The following CDK15 variants were observed in gnomAD, a reference collection of about 807,000 sequenced individuals.
CDK15 encodes cyclin dependent kinase 15.
CDK15 carries 62 observed loss-of-function variants against 60.3 expected under a neutral mutation model. The observed-to-expected ratio is 1.03, with a 90% confidence interval of 0.84 to 1.27. The LOEUF (loss-of-function observed/expected upper bound fraction) is 1.27, where lower values mean the gene tolerates loss of function less well. Ranked by LOEUF, CDK15 falls within the 50% of genes most tolerant of loss-of-function variation. CDK15 has a pLI of 0.00. For missense variants in CDK15, 541 were observed against 527.8 expected (o/e 1.03, Z -0.25); for synonymous variants, 194 against 195.7 (o/e 0.99, Z 0.07).
chr2:201,821,155 C>T (rs948372441), intron 4 of CDK15, among the ~76,000 whole-genome samples: 1 of 152,136 alleles, frequency 6.6e-6, no homozygotes, highest in African/African-American at 2.4e-5. Context: ...ACAGGTTTAG[C>T]TCTCACAATA....
intron 11 of CDK15, among the ~76,000 whole-genome samples, chr2:201,877,725 C>T (rs1440259508): frequency 6.6e-6 from 1 of 152,146 alleles, no homozygotes; most frequent in African/African-American, 2.4e-5. Context: ...AATGAGTAGA[C>T]TTCTACACAA....
Position 201,888,561 on chromosome 2 carries a change from C to T in CDK15, c.1199-2224C>T, listed in dbSNP as rs567471766. 9.5e-6 allele frequency: 14 copies of T among 1,468,904 alleles called. No individual in the cohort carries two copies. The Middle Eastern group carries it at 5.3e-4, about 56-fold the overall frequency. The allele number at this position is 1,468,904 out of a possible 1,614,324, so 91.0% of individuals were successfully genotyped here. ...TTGTGAGATTGCTGAAGGAGAGCCGCGCTGCAGCTTTTTTCGTTTTTTATT... is the reference window on the plus strand; with the variant it reads ...TTGTGAGATTGCTGAAGGAGAGCCGTGCTGCAGCTTTTTTCGTTTTTTATT... On this transcript the variant is annotated intron_variant, in intron 12 of 13. Coordinates refer to ENST00000652192, the MANE Select transcript of CDK15 (RefSeq NM_001366386.2).
intron 6 of CDK15, among the ~76,000 whole-genome samples, chr2:201,828,279 G>C (rs1033299166): frequency 2.0e-5 from 3 of 151,882 alleles, no homozygotes; most frequent in African/African-American, 7.3e-5. Flanking sequence ...AGATCTGAGG[G>C]TCATCAGCAC....
chr2:201,806,882 A>G, intron 1 of CDK15, 95 bp downstream of exon 1: 1 of 1,434,894 alleles, frequency 7.0e-7, no homozygotes, highest in South Asian at 1.3e-5. Flanking sequence ...CTTCTGCGGT[A>G]GGTCTAAACC....
intron 3 of CDK15, among the ~76,000 whole-genome samples, chr2:201,808,963 C>T (rs917415723): frequency 2.0e-5 from 3 of 151,774 alleles, no homozygotes; most frequent in Admixed American, 1.3e-4. Flanking sequence ...GAATCTCTGT[C>T]ACCCACGCTG....
intron 12 of CDK15, chr2:201,888,566 C>T: frequency 6.8e-7 from 1 of 1,466,764 alleles, no homozygotes; most frequent in Non-Finnish European, 8.9e-7. Flanking sequence ...AGCCGCGCTG[C>T]AGCTTTTTTC....
intron 8 of CDK15, among the ~76,000 whole-genome samples, chr2:201,844,848 T>A (rs1270124480): frequency 2.0e-5 from 3 of 151,752 alleles, no homozygotes; most frequent in Non-Finnish European, 4.4e-5. Flanking sequence ...CAAATTGGCT[T>A]TTTAAAAATC....
intron 11 of CDK15, among the ~76,000 whole-genome samples, chr2:201,879,382 TTTTG>T (rs1469289661): frequency 6.6e-6 from 1 of 152,144 alleles, no homozygotes; most frequent in Non-Finnish European, 1.5e-5. Context: ...TGAACATGTT[TTTTG>T]TTTGTTTGTT....
intron 10 of CDK15, among the ~76,000 whole-genome samples, chr2:201,856,818 C>T (rs1267505473): frequency 6.6e-6 from 1 of 152,094 alleles, no homozygotes; most frequent in African/African-American, 2.4e-5. Flanking sequence ...ATTTGGGTTT[C>T]AGGTTGGTCC....
intron 1 of CDK15, 48 bp from the exon 2 acceptor site, chr2:201,807,446 A>C (rs369713551): frequency 5.0e-5 from 80 of 1,586,224 alleles, no homozygotes; most frequent in Admixed American, 7.1e-5. Flanking sequence ...CAGGCACTGA[A>C]TCTTTACTTT....
At chr2:201,847,152 C>G (rs982892647) in intron 8 of CDK15, among the ~76,000 whole-genome samples, 1 of 152,192 alleles carries the variant, frequency 6.6e-6, no homozygotes, top group African/African-American at 2.4e-5. Context: ...TTTGCTAACT[C>G]TACTGCTTTC....
intron 7 of CDK15, among the ~76,000 whole-genome samples, chr2:201,834,314 G>A (rs1465472246): frequency 6.6e-6 from 1 of 152,152 alleles, no homozygotes; most frequent in African/African-American, 2.4e-5. Flanking sequence ...AATAGATTGA[G>A]ATTATCCCAA....
intron 11 of CDK15, among the ~76,000 whole-genome samples, chr2:201,874,380 G>A (rs10804125): frequency 0.97 from 147,354 of 152,270 alleles, 71,344 homozygotes; most frequent in East Asian, 1. Context: ...GGTTAACATT[G>A]GATGGGATAT....
At chr2:201,828,262 G>A (rs1000345682) in intron 6 of CDK15, among the ~76,000 whole-genome samples, 1 of 152,130 alleles carries the variant, frequency 6.6e-6, no homozygotes, top group Non-Finnish European at 1.5e-5. Context: ...CTGTGAGCTC[G>A]ACGTGTAGAT....
chr2:201,851,969 T>C (rs567755246), intron 9 of CDK15, among the ~76,000 whole-genome samples: 2 of 152,176 alleles, frequency 1.3e-5, no homozygotes, highest in African/African-American at 4.8e-5. Flanking sequence ...CTTTGCCCAC[T>C]GTTTAATGGG....
chr2:201,877,465 C>T (rs993681479), intron 11 of CDK15, among the ~76,000 whole-genome samples: 2 of 152,186 alleles, frequency 1.3e-5, no homozygotes, highest in African/African-American at 2.4e-5. Context: ...AGCATGAAGC[C>T]TGCAGAAAGT....
In CDK15 at chr2:201,806,655, C is replaced by T. The variant is rs764748360; in HGVS notation, c.-10C>T. 56 of 1,582,124 alleles carry T rather than the reference C, an allele frequency of 3.5e-5. No homozygotes were observed. Among genetic ancestry groups the T allele is most frequent in the Non-Finnish European group, 4.7e-5 (55 of 1,169,624 alleles). ...TCAAGTGCGGGTTTTCTCCTTGAAC[C>T]TACAAGATTATGGGTCAAGAGCTGT... On this transcript the variant is annotated 5_prime_UTR_variant, in exon 1 of 14. Coordinates refer to ENST00000652192, the MANE Select transcript of CDK15 (RefSeq NM_001366386.2).
rs147223509 is a variant in CDK15, at chr2:201,840,196, G to A, written c.851+4433G>A. Among the ~76,000 whole-genome samples the A allele has an allele frequency of 4.4e-4, 67 of 152,226 alleles. No homozygotes were observed. In the East Asian group the frequency reaches 0.011, roughly 25 times the overall value. ...GACGGAGTTTCGCCATGTTGGCCAG[G>A]CTGGTTTCGAACTTTAGATGTCAGG... On this transcript the variant is annotated intron_variant, in intron 8 of 13. Coordinates refer to ENST00000652192, the MANE Select transcript of CDK15 (RefSeq NM_001366386.2).
chr2:201,849,108 A>G (rs1014019088), intron 9 of CDK15, among the ~76,000 whole-genome samples: 2 of 152,238 alleles, frequency 1.3e-5, no homozygotes, highest in African/African-American at 4.8e-5. Flanking sequence ...CTAAATGAAC[A>G]TGGGCAAGTT....
Sources: gnomAD v4.1 joint callset for allele counts (sites outside exome capture counted in the v4.1 genomes callset) on GRCh38, gnomAD v4.1.1 for gene constraint, MANE v1.5 for transcripts, NCBI Gene and HGNC (gene_info 2026-07-23, HGNC 2026-07-21) for gene names.